The following HID1 variants were observed in gnomAD, a reference collection of about 807,000 sequenced individuals.
The protein encoded by HID1 is protein HID1.
In HID1, 42 loss-of-function variants were observed where a neutral mutation model predicts 89.7. The ratio of observed to expected loss-of-function variants is 0.47; its 90% CI spans 0.37 to 0.61. HID1 has a LOEUF of 0.61. Ranked by LOEUF, HID1 falls within the 20% of genes least tolerant of loss-of-function variation. HID1 has a pLI of 0.00. For missense variants in HID1, 854 were observed against 1,039.3 expected (o/e 0.82, Z 2.45); for synonymous variants, 442 against 433.8 (o/e 1.02, Z -0.24).
rs573653324 is a variant in HID1 at position 74,965,684 on chromosome 17, T to G, written c.67-1052A>C. On this transcript the variant is annotated intron_variant, in intron 1 of 18. Coordinates refer to ENST00000425042, the MANE Select transcript of HID1 (RefSeq NM_030630.3). ...CTGTAATCCCAGCACTTTGGGAGGCTGAGGTGGGTGGATCACCTGATCAGG... is the reference window on the plus strand; with the variant it reads ...CTGTAATCCCAGCACTTTGGGAGGCGGAGGTGGGTGGATCACCTGATCAGG... 2.7e-4 allele frequency among the ~76,000 whole-genome samples: 41 copies of G among 152,204 alleles called. 1 individual carries two copies. Among genetic ancestry groups the G allele is most frequent in the South Asian group, 6.2e-4 (3 of 4,820 alleles).
Position 74,972,615 on chromosome 17 carries a change from C to T in HID1, c.42G>A (p.Val14=). ...TDSKLNFRKA[V]IQLTTKTQPV... is the part of the protein sequence containing the mutation. ...CCTGCGTCTTGGTGGTGAGCTGGAT[C>T]ACCGCCTTCCGGAAGTTCAGCTTGG... Residue 14 remains valine (V), a synonymous_variant, in exon 1 of 19, where the codon GTG becomes GTA. Transcript: ENST00000425042. The surrounding 1 kb of genome is among the most constrained non-coding windows in gnomAD (Gnocchi z 6.4). 6.5e-7 allele frequency: 1 copy of T among 1,549,108 alleles called. No individual in the cohort carries two copies. Among genetic ancestry groups the T allele is most frequent in the South Asian group, 1.2e-5 (1 of 83,704 alleles).
rs921041975 is a variant in HID1, at chr17:74,952,376, GT to G, written c.2053-17del. The G allele has an allele frequency of 1.9e-6, 3 of 1,608,570 alleles. No individual in the cohort carries two copies. Among genetic ancestry groups the G allele is most frequent in the African/African-American group, 2.7e-5 (2 of 74,786 alleles). Reference sequence around the variant, plus strand: ...AGGAGAGGACCTGGCGAGGGACGGGGTTCCTGGGGCTGAGAAAGCAGCCCCC... The same window carrying G: ...AGGAGAGGACCTGGCGAGGGACGGGGTCCTGGGGCTGAGAAAGCAGCCCCC... On this transcript the variant is annotated splice_polypyrimidine_tract_variant and intron_variant, in intron 16 of 18. Coordinates refer to ENST00000425042, the MANE Select transcript of HID1 (RefSeq NM_030630.3).
chr17:74,964,328 A>G, intron 2 of HID1, 155 bp downstream of exon 2: 1 of 845,698 alleles, frequency 1.2e-6, no homozygotes, highest in Non-Finnish European at 1.8e-6. Context: ...CGTGGTCCCA[A>G]CGCCCAGCAA....
At chr17:74,971,165 T>C (rs917209307) in intron 1 of HID1, among the ~76,000 whole-genome samples, 5 of 152,192 alleles carry the variant, frequency 3.3e-5, no homozygotes, top group Non-Finnish European at 7.3e-5. Flanking sequence ...GGACCCCAGC[T>C]GCCGAGCCCA....
intron 13 of HID1, 83 bp from the exon 14 acceptor site, chr17:74,954,448 G>A: frequency 6.5e-7 from 1 of 1,539,988 alleles, no homozygotes; most frequent in Non-Finnish European, 8.7e-7. Flanking sequence ...CTGGAAGGGG[G>A]AGTTTGGAGG....
In HID1 at chr17:74,963,005, C is replaced by T; in HGVS notation, c.464G>A (p.Cys155Tyr). 6.2e-7 allele frequency: 1 copy of T among 1,613,662 alleles called. No homozygotes were observed. Among genetic ancestry groups the T allele is most frequent in the African/African-American group, 1.3e-5 (1 of 75,032 alleles). ...LLLAIADLLF[C>Y]PDFTVQSHRR... ...GTGGCTCTGAACCGTGAAGTCCGGG[C>T]AGAAGAGCAGGTCAGCAATGGCCAG... The change falls in exon 4 of 19, where the codon TGC (cysteine) becomes TAC (tyrosine). Residue 155 changes from cysteine (C) to tyrosine (Y), a missense_variant. By Grantham distance (194) the Cys-to-Tyr change is radical. Coordinates refer to ENST00000425042, the MANE Select transcript of HID1 (RefSeq NM_030630.3).
Position 74,967,402 on chromosome 17 carries a change from G to A in HID1, c.67-2770C>T, listed in dbSNP as rs139888118. ...AAAATACAAAAATTAGCCAGGCATG[G>A]TGGCACATGCCTGTAATCCCAGCTA... is the stretch of plus-strand genomic sequence containing the variant. On this transcript the variant is annotated intron_variant, in intron 1 of 18. Coordinates refer to ENST00000425042, the MANE Select transcript of HID1 (RefSeq NM_030630.3). 4.4e-3 allele frequency among the ~76,000 whole-genome samples: 664 copies of A among 151,798 alleles called. 3 individuals carry two copies. The highest frequency in any genetic ancestry group is 0.015 in the African/African-American group (632 of 41,360).
chr17:74,969,829 G>A (rs146974564), intron 1 of HID1, among the ~76,000 whole-genome samples: 6 of 150,906 alleles, frequency 4.0e-5, no homozygotes, highest in African/African-American at 1.5e-4. Context: ...TCAAACTCCT[G>A]GGCTCAAGCG....
chr17:74,955,318 G>T (rs2039372308), intron 13 of HID1, among the ~76,000 whole-genome samples: 1 of 151,856 alleles, frequency 6.6e-6, no homozygotes, highest in South Asian at 2.1e-4. Context: ...GCCGAGGCAG[G>T]CAGATTGCTT....
chr17:74,955,083 C>T (rs1181382140), intron 13 of HID1: 1 of 155,564 alleles, frequency 6.4e-6, no homozygotes, highest in African/African-American at 2.4e-5. Flanking sequence ...TTATGAGCAC[C>T]TTACAGATGA....
intron 2 of HID1, chr17:74,964,156 A>T (rs972584355): frequency 4.5e-5 from 27 of 596,572 alleles, no homozygotes; most frequent in Admixed American, 2.7e-4. Flanking sequence ...TAGCCACTGG[A>T]TGGCTGAGGC....
At chr17:74,970,422 C>G (rs940481407) in intron 1 of HID1, among the ~76,000 whole-genome samples, 1 of 152,204 alleles carries the variant, frequency 6.6e-6, no homozygotes, top group Non-Finnish European at 1.5e-5. Flanking sequence ...TAAATATGCA[C>G]CCGCCAGGTT....
chr17:74,951,997 G>A lies in HID1; in HGVS notation c.2211C>T (p.Pro737=), dbSNP rs149718240. 3.9e-5 allele frequency: 61 copies of A among 1,561,136 alleles called. No individual in the cohort carries two copies. Among genetic ancestry groups the A allele is most frequent in the South Asian group, 2.1e-4 (18 of 84,672 alleles). ...TGCGGATGAGGATGGGGTGGGGCAC[G>A]GGCAGCAGCCCCACCAGGGTGCCAT... ...LQHGTLVGLL[P]VPHPILIRKY... The change falls in exon 18 of 19, where the codon CCC becomes CCT. Residue 737 remains proline (P), a synonymous_variant. Coordinates refer to ENST00000425042, the MANE Select transcript of HID1 (RefSeq NM_030630.3).
intron 17 of HID1, 45 bp from the exon 18 acceptor site, chr17:74,952,108 G>A (rs753299468): frequency 1.2e-5 from 19 of 1,545,332 alleles, no homozygotes; most frequent in Non-Finnish European, 7.9e-6. Context: ...TGGTCCAGGG[G>A]AGCACGGGGC....
Position 74,951,450 on chromosome 17 carries a change from C to T in HID1, c.*120G>A, listed in dbSNP as rs2039296350. On this transcript the variant is annotated 3_prime_UTR_variant, in exon 19 of 19. Coordinates refer to ENST00000425042, the MANE Select transcript of HID1 (RefSeq NM_030630.3). ...GGTCTCTAGGGCATGACACTCAGGG[C>T]CACTCTGCCTGTTCCAGGCCCTGAT... is the stretch of plus-strand genomic sequence containing the variant. 1 of 964,466 alleles carries T rather than the reference C, an allele frequency of 1.0e-6. No individual in the cohort carries two copies. The highest frequency in any genetic ancestry group is 1.6e-6 in the Non-Finnish European group (1 of 622,846). 59.7% of individuals were successfully genotyped at this position (964,466 alleles called of 1,614,324 possible).
Position 74,958,341 on chromosome 17 carries a change from C to T in HID1, c.1378G>A (p.Asp460Asn), listed in dbSNP as rs1241230962. ...DIPVFTGTHA[D>N]LLIVVFHKII... ...AGCCCCCTCACCACAATGAGCAGGTCGGCGTGGGTCCCTGTGAAGACTGGG... is the reference window on the plus strand; with the variant it reads ...AGCCCCCTCACCACAATGAGCAGGTTGGCGTGGGTCCCTGTGAAGACTGGG... The change falls in exon 11 of 19, where the codon GAC becomes AAC. Residue 460 changes from aspartate to asparagine, a missense_variant. Coordinates refer to ENST00000425042, the MANE Select transcript of HID1 (RefSeq NM_030630.3). The surrounding 1 kb of genome is among the most constrained non-coding windows in gnomAD (Gnocchi z 5.2). 3 of 1,613,154 alleles carry T rather than the reference C, an allele frequency of 1.9e-6. No individual in the cohort carries two copies. In the Admixed American group the frequency reaches 5.0e-5, roughly 27 times the overall value.
chr17:74,972,466 C>T lies in HID1; in HGVS notation c.66+125G>A. 1 of 926,042 alleles carries T rather than the reference C, an allele frequency of 1.1e-6. No individual in the cohort carries two copies. The highest frequency in any genetic ancestry group is 1.6e-6 in the Non-Finnish European group (1 of 628,790). The allele number at this position is 926,042 out of a possible 1,614,324, so 57.4% of individuals were successfully genotyped here. ...CGCGGGGTCCCGTTCCGGCGCTGGC[C>T]TTGGCGTTACGCTCGGGGCCCGCCC... On this transcript the variant is annotated intron_variant, in intron 1 of 18. Coordinates refer to ENST00000425042, the MANE Select transcript of HID1 (RefSeq NM_030630.3). This position sits in a 1 kb window ranked among gnomAD's most constrained non-coding sequence, Gnocchi z 6.4.
Position 74,962,962 on chromosome 17 carries a change from C to T in HID1, c.504+3G>A, listed in dbSNP as rs750454848. On this transcript the variant is annotated splice_donor_region_variant and intron_variant, in intron 4 of 18. Transcript: ENST00000425042. This position sits in a 1 kb window ranked among gnomAD's most constrained non-coding sequence, Gnocchi z 4.3. ...TGGGGGTGGGGGGCTGGGGGACACT[C>T]ACCACAGTGCTCCTCCGGTGGCTCT... 32 of 1,605,270 alleles carry T rather than the reference C, an allele frequency of 2.0e-5. No individual in the cohort carries two copies. In the South Asian group the frequency reaches 2.8e-4, roughly 14 times the overall value.
chr17:74,952,973 C>A, intron 16 of HID1, 33 bp downstream of exon 16: 1 of 1,540,192 alleles, frequency 6.5e-7, no homozygotes, highest in Non-Finnish European at 8.8e-7. Context: ...CAAACCCCAG[C>A]CCCCGCTCGC....
Sources: gnomAD v4.1 joint callset for allele counts (sites outside exome capture counted in the v4.1 genomes callset) on GRCh38, gnomAD v4.1.1 for gene constraint, Gnocchi (gnomAD v3.1) non-coding constraint, MANE v1.5 for transcripts, NCBI Gene and HGNC (gene_info 2026-07-23, HGNC 2026-07-21) for gene names.